IL1RAPL1: variants seen among roughly 807,000 people sequenced by gnomAD.
IL1RAPL1 encodes the protein interleukin-1 receptor accessory protein-like 1.
In IL1RAPL1, 3 loss-of-function variants were observed where a neutral mutation model predicts 48.4. The observed-to-expected ratio is 0.06, with a 90% CI of 0.03 to 0.16. IL1RAPL1 has a LOEUF of 0.16. Among genes scored for constraint, IL1RAPL1 ranks in the 10% least tolerant of loss-of-function variants. IL1RAPL1 has a pLI of 1.00. For missense variants in IL1RAPL1, 349 were observed against 530.6 expected, an observed-to-expected ratio of 0.66 and a Z score of 3.36; for synonymous variants, 185 against 187.7, an observed-to-expected ratio of 0.99 and a Z score of 0.12.
At chrX:28,590,992 A>G (rs959085567) in intron 1 of IL1RAPL1, among the ~76,000 whole-genome samples, 1 of 112,364 alleles carries the variant, frequency 8.9e-6, no homozygotes, top group African/African-American at 3.2e-5. Context: ...TAACTAAGGC[A>G]GGTTATGGCA....
chrX:29,226,579 C>T (rs1931085305), intron 2 of IL1RAPL1, among the ~76,000 whole-genome samples: 1 of 108,072 alleles, frequency 9.3e-6, no homozygotes, highest in Non-Finnish European at 1.9e-5. Context: ...ATTACAGTGC[C>T]CGCCACCACA....
At chrX:29,600,825 T>C (rs950216604) in intron 5 of IL1RAPL1, among the ~76,000 whole-genome samples, 1 of 110,919 alleles carries the variant, frequency 9.0e-6, no homozygotes, top group African/African-American at 3.3e-5. Context: ...TGCTGAGTCC[T>C]ACAGGTTGCC....
At chrX:29,160,604 G>T (rs987651593) in intron 2 of IL1RAPL1, among the ~76,000 whole-genome samples, 1 of 112,174 alleles carries the variant, frequency 8.9e-6, no homozygotes, top group Non-Finnish European at 1.9e-5. Flanking sequence ...ATGTTCATTG[G>T]TTTGTTCATC....
chrX:29,181,474 C>T (rs995768637), intron 2 of IL1RAPL1, among the ~76,000 whole-genome samples: 2 of 111,648 alleles, frequency 1.8e-5, no homozygotes, highest in Admixed American at 1.9e-4. Context: ...AGCATCTGAC[C>T]TCTTCCTTGT....
At chrX:29,788,080 A>G (rs185482706) in intron 6 of IL1RAPL1, among the ~76,000 whole-genome samples, 21 of 103,995 alleles carry the variant, frequency 2.0e-4, no homozygotes, top group Non-Finnish European at 3.9e-4. Flanking sequence ...CAGTAAGTGC[A>G]TTGGAAGAAA....
intron 3 of IL1RAPL1, among the ~76,000 whole-genome samples, chrX:29,329,623 G>T (rs1026056411): frequency 1.8e-5 from 2 of 110,373 alleles, no homozygotes; most frequent in Non-Finnish European, 3.8e-5. Flanking sequence ...GACCAGCCTG[G>T]CCAACAGGGA....
chrX:29,772,470 G>A (rs1303619904), intron 6 of IL1RAPL1, among the ~76,000 whole-genome samples: 5 of 110,744 alleles, frequency 4.5e-5, no homozygotes, highest in Admixed American at 9.6e-5. Flanking sequence ...GTTTGTGTGC[G>A]TGGCAAGATT....
intron 3 of IL1RAPL1, among the ~76,000 whole-genome samples, chrX:29,353,456 T>A (rs1011574954): frequency 8.9e-6 from 1 of 111,809 alleles, no homozygotes; most frequent in African/African-American, 3.2e-5. Context: ...CAGGGCTGAT[T>A]CATAGTTTTC....
intron 2 of IL1RAPL1, among the ~76,000 whole-genome samples, chrX:29,068,046 G>T (rs1013203921): frequency 3.6e-5 from 4 of 111,330 alleles, no homozygotes; most frequent in African/African-American, 6.5e-5. Context: ...TGTATCTCTA[G>T]TATGATCATC....
intron 1 of IL1RAPL1, among the ~76,000 whole-genome samples, chrX:28,732,349 C>A (rs1935765657): frequency 9.0e-6 from 1 of 111,701 alleles, no homozygotes; most frequent in Non-Finnish European, 1.9e-5. Context: ...ATTTAGACTA[C>A]TTCAGTGGAA....
chrX:29,711,640 A>G (rs2147121116), intron 6 of IL1RAPL1, among the ~76,000 whole-genome samples: 1 of 111,875 alleles, frequency 8.9e-6, no homozygotes, highest in African/African-American at 3.2e-5. Context: ...GTATGGGTGT[A>G]TTTTATGCTT....
At chrX:29,766,499 A>G (rs1053802985) in intron 6 of IL1RAPL1, among the ~76,000 whole-genome samples, 2 of 96,870 alleles carry the variant, frequency 2.1e-5, no homozygotes, top group Admixed American at 2.5e-4. Flanking sequence ...ATATTTATAT[A>G]TATATGAGAT....
chrX:28,706,749 T>C (rs1300269977), intron 1 of IL1RAPL1, among the ~76,000 whole-genome samples: 2 of 111,659 alleles, frequency 1.8e-5, no homozygotes. Flanking sequence ...TCCCCATCAG[T>C]AAGCAACATG....
chrX:29,343,490 C>T (rs1465170188), intron 3 of IL1RAPL1, among the ~76,000 whole-genome samples: 5 of 111,360 alleles, frequency 4.5e-5, no homozygotes, highest in South Asian at 3.8e-4. Context: ...CTGCTAAAAC[C>T]GGGTGGGGCT....
chrX:29,484,198 A>G, intron 5 of IL1RAPL1, among the ~76,000 whole-genome samples: 1 of 111,453 alleles, frequency 9.0e-6, no homozygotes, highest in Non-Finnish European at 1.9e-5. Flanking sequence ...TTTTCAAAAA[A>G]GTTTATTCAG....
chrX:29,595,345 A>G (rs1347710574), intron 5 of IL1RAPL1, among the ~76,000 whole-genome samples: 1 of 112,181 alleles, frequency 8.9e-6, no homozygotes, highest in African/African-American at 3.2e-5. Flanking sequence ...ACTAGTTTAT[A>G]TTCCCACCAG....
At chrX:29,252,308 A>G (rs1235157180) in intron 2 of IL1RAPL1, among the ~76,000 whole-genome samples, 3 of 113,587 alleles carry the variant, frequency 2.6e-5, no homozygotes, top group African/African-American at 3.2e-5. Flanking sequence ...AATCAGGGCC[A>G]TAGAGAAAAG....
intron 2 of IL1RAPL1, among the ~76,000 whole-genome samples, chrX:28,823,144 C>T (rs192254635): frequency 5.8e-4 from 65 of 111,276 alleles, no homozygotes; most frequent in African/African-American, 2.1e-3. Flanking sequence ...TGTTCCTTCC[C>T]GGTAGTTATA....
chrX:29,389,284 A>G (rs1933824489), intron 3 of IL1RAPL1, among the ~76,000 whole-genome samples: 1 of 98,455 alleles, frequency 1.0e-5, no homozygotes, highest in African/African-American at 3.9e-5. Context: ...TGAACCTGGG[A>G]GGTGGAGGTA....
Sources: gnomAD v4.1 joint callset for allele counts (sites outside exome capture counted in the v4.1 genomes callset) on GRCh38, gnomAD v4.1.1 for gene constraint, MANE v1.5 for transcripts, NCBI Gene and HGNC (gene_info 2026-07-23, HGNC 2026-07-21) for gene names.